Variants in PIP4K2A observed in about 807,000 individuals in gnomAD.
PIP4K2A encodes phosphatidylinositol-5-phosphate 4-kinase type 2 alpha, also known as phosphatidylinositol 5-phosphate 4-kinase type-2 alpha.
PIP4K2A carries 14 observed loss-of-function variants against 42.9 expected under a neutral mutation model. The ratio of observed to expected loss-of-function variants is 0.33; its 90% CI spans 0.22 to 0.51. PIP4K2A has a LOEUF of 0.51. PIP4K2A is among the 20% of genes least tolerant of loss of function. The probability of loss-of-function intolerance (pLI) is 0.97; values close to 1 mark genes in which losing one functional copy is unlikely to be tolerated. For missense variants in PIP4K2A, 434 were observed against 519.8 expected, an observed-to-expected ratio of 0.83 and a Z score of 1.61; for synonymous variants, 192 against 192.2, an observed-to-expected ratio of 1.00 and a Z score of 0.01.
chr10:22,642,939 C>G (rs1353511035), intron 1 of PIP4K2A, among the ~76,000 whole-genome samples: 1 of 152,182 alleles, frequency 6.6e-6, no homozygotes, highest in African/African-American at 2.4e-5. Flanking sequence ...TCTCTTTCCT[C>G]TAGTCTGTCT....
chr10:22,620,233 T>A (rs1838293309), intron 1 of PIP4K2A, among the ~76,000 whole-genome samples: 1 of 152,250 alleles, frequency 6.6e-6, no homozygotes, highest in African/African-American at 2.4e-5. Flanking sequence ...TGTAGTCATG[T>A]TAAAATTCTA....
intron 1 of PIP4K2A, among the ~76,000 whole-genome samples, chr10:22,690,515 T>A (rs547641647): frequency 5.1e-4 from 78 of 152,368 alleles, no homozygotes; most frequent in African/African-American, 1.8e-3. Context: ...GAAAAGTTTT[T>A]ACATCTCCTC....
chr10:22,576,317 G>A (rs1407008339), intron 4 of PIP4K2A, among the ~76,000 whole-genome samples: 1 of 152,208 alleles, frequency 6.6e-6, no homozygotes, highest in Non-Finnish European at 1.5e-5. Flanking sequence ...ACGATGCGCT[G>A]TTGTAGGCAG....
At position 22,714,338 on chromosome 10, in the gene PIP4K2A, A is replaced by T. The variant is rs374950445; in HGVS notation, c.-12T>A. On this transcript the variant is annotated 5_prime_UTR_variant, in exon 1 of 10. Transcript: ENST00000376573. ...CCGGGGGTCGCCATGGCCGCCTCCT[A>T]TGTCCCCTCCACCGCCGTGCTCCCG... The T allele has an allele frequency of 2.5e-6, 4 of 1,586,952 alleles. No homozygotes were observed. Among genetic ancestry groups the T allele is most frequent in the African/African-American group, 1.4e-5 (1 of 73,066 alleles).
chr10:22,664,172 T>TATATATAC (rs1839294291), intron 1 of PIP4K2A, among the ~76,000 whole-genome samples: 1 of 74,006 alleles, frequency 1.4e-5, no homozygotes, highest in Non-Finnish European at 2.3e-5. Flanking sequence ...TATATACATA[T>TATATATAC]ATATATATAC....
At chr10:22,591,885 A>G (rs957521578) in intron 3 of PIP4K2A, 104 bp from the exon 4 acceptor site, 24 of 1,032,148 alleles carry the variant, frequency 2.3e-5, no homozygotes, top group Non-Finnish European at 3.1e-5. Context: ...AAGTTTTCAA[A>G]AACATTTGTG....
intron 1 of PIP4K2A, among the ~76,000 whole-genome samples, chr10:22,677,174 T>C (rs149565212): frequency 1.9e-4 from 29 of 152,262 alleles, no homozygotes; most frequent in African/African-American, 6.5e-4. Flanking sequence ...AAGAAGGTAT[T>C]GGGCCCAGCT....
intron 1 of PIP4K2A, among the ~76,000 whole-genome samples, chr10:22,709,626 C>G (rs186974601): frequency 6.6e-6 from 1 of 152,272 alleles, no homozygotes; most frequent in Admixed American, 6.5e-5. Flanking sequence ...AAATCACTGA[C>G]CTGACATGGG....
chr10:22,704,763 G>A (rs946851334), intron 1 of PIP4K2A, among the ~76,000 whole-genome samples: 6 of 152,100 alleles, frequency 3.9e-5, no homozygotes, highest in African/African-American at 1.2e-4. Flanking sequence ...TTTCAAGATG[G>A]GCGGCCCCGG....
chr10:22,542,312 T>TGGCTGGATTTCACCAGATAGCAA lies in PIP4K2A; in HGVS notation c.793-288_793-266dup, dbSNP rs1554792634. On this transcript the variant is annotated intron_variant, in intron 7 of 9. Transcript: ENST00000376573. ...GGAGAGGTGTGTATCTATCACAGGGTGGCTGGATTTCACCAGATAGCAAGG... is the reference window on the plus strand; with the variant it reads ...GGAGAGGTGTGTATCTATCACAGGGTGGCTGGATTTCACCAGATAGCAAGGCTGGATTTCACCAGATAGCAAGG... 9.9e-5 allele frequency among the ~76,000 whole-genome samples: 15 copies of TGGCTGGATTTCACCAGATAGCAA among 151,752 alleles called. No individual in the cohort carries two copies. In the East Asian group the frequency reaches 1.4e-3, roughly 14 times the overall value.
chr10:22,666,476 C>T (rs989668799), intron 1 of PIP4K2A, among the ~76,000 whole-genome samples: 4 of 152,138 alleles, frequency 2.6e-5, no homozygotes, highest in African/African-American at 9.7e-5. Flanking sequence ...TTTAGGAAGC[C>T]TGTTTTGAAA....
intron 4 of PIP4K2A, among the ~76,000 whole-genome samples, chr10:22,573,817 A>G (rs1263557620): frequency 6.6e-6 from 1 of 152,236 alleles, no homozygotes; most frequent in Non-Finnish European, 1.5e-5. Context: ...TCTACCCCCA[A>G]AGCCCTGACT....
chr10:22,629,578 T>C (rs1340173398), intron 1 of PIP4K2A, among the ~76,000 whole-genome samples: 1 of 152,186 alleles, frequency 6.6e-6, no homozygotes, highest in Non-Finnish European at 1.5e-5. Context: ...ATACAAATAA[T>C]GACATATACT....
chr10:22,634,951 T>G (rs1304159319), intron 1 of PIP4K2A, among the ~76,000 whole-genome samples: 1 of 152,184 alleles, frequency 6.6e-6, no homozygotes, highest in Non-Finnish European at 1.5e-5. Context: ...GACTGCACTT[T>G]AACTGGGATT....
At chr10:22,681,558 C>G (rs1839660998) in intron 1 of PIP4K2A, among the ~76,000 whole-genome samples, 1 of 152,062 alleles carries the variant, frequency 6.6e-6, no homozygotes, top group South Asian at 2.1e-4. Flanking sequence ...ACCTGTGGTC[C>G]CACATACTCA....
chr10:22,602,524 T>G (rs1054372099), intron 3 of PIP4K2A, among the ~76,000 whole-genome samples: 2 of 152,160 alleles, frequency 1.3e-5, no homozygotes, highest in Non-Finnish European at 2.9e-5. Context: ...GGCAGCAGAA[T>G]CGGCCCAGTG....
chr10:22,663,485 C>T (rs1839247725), intron 1 of PIP4K2A, among the ~76,000 whole-genome samples: 2 of 152,082 alleles, frequency 1.3e-5, no homozygotes, highest in African/African-American at 2.4e-5. Context: ...AAAAGTAACA[C>T]ATGTTCATTG....
intron 1 of PIP4K2A, among the ~76,000 whole-genome samples, chr10:22,610,093 A>C (rs1406910863): frequency 6.6e-6 from 1 of 152,258 alleles, no homozygotes; most frequent in Non-Finnish European, 1.5e-5. Flanking sequence ...TCTGAGAAAG[A>C]AAGCTTTTAA....
intron 1 of PIP4K2A, among the ~76,000 whole-genome samples, chr10:22,628,461 C>T (rs1380394676): frequency 1.3e-5 from 2 of 152,146 alleles, no homozygotes; most frequent in East Asian, 1.9e-4. Context: ...GTAACGTCAA[C>T]GAAGAGTCAA....
Sources: gnomAD v4.1 joint callset for allele counts (sites outside exome capture counted in the v4.1 genomes callset) on GRCh38, gnomAD v4.1.1 for gene constraint, MANE v1.5 for transcripts, NCBI Gene and HGNC (gene_info 2026-07-23, HGNC 2026-07-21) for gene names.